The following POU6F2 variants were observed in gnomAD, a reference collection of about 807,000 sequenced individuals.
The protein encoded by POU6F2 is POU class 6 homeobox 2, also known as POU domain, class 6, transcription factor 2.
Under a neutral mutation model 71.3 loss-of-function variants are expected in POU6F2, and 31 were observed. The ratio of observed to expected loss-of-function variants is 0.43; its 90% CI spans 0.33 to 0.59. POU6F2 has a LOEUF of 0.59. POU6F2 is among the 20% of genes least tolerant of loss of function. The pLI is 0.04. For missense variants in POU6F2, 783 were observed against 856.8 expected (o/e 0.91, Z 1.07); for synonymous variants, 347 against 355.7 (o/e 0.98, Z 0.27).
intron 2 of POU6F2, among the ~76,000 whole-genome samples, chr7:39,171,326 C>T (rs11773046): frequency 0.4 from 60,236 of 151,810 alleles, 12,429 homozygotes; most frequent in East Asian, 0.75. Flanking sequence ...GCAAGTTCTG[C>T]TATAAAATTA....
chr7:39,450,383 C>T (rs1163845696), intron 7 of POU6F2, among the ~76,000 whole-genome samples: 1 of 152,136 alleles, frequency 6.6e-6, no homozygotes, highest in Non-Finnish European at 1.5e-5. Flanking sequence ...AGTGCTACAT[C>T]CAATCAACAA....
intron 7 of POU6F2, among the ~76,000 whole-genome samples, chr7:39,450,295 G>T (rs1562557361): frequency 6.6e-6 from 1 of 152,150 alleles, no homozygotes; most frequent in Non-Finnish European, 1.5e-5. Flanking sequence ...CTACTCACAG[G>T]CTGATTCCTT....
intron 5 of POU6F2, among the ~76,000 whole-genome samples, chr7:39,346,476 C>T (rs1206377479): frequency 2.0e-5 from 3 of 152,200 alleles, no homozygotes. Flanking sequence ...GAGAACCACT[C>T]TGATCCTGAC....
At chr7:39,274,307 G>T (rs1784394740) in intron 4 of POU6F2, among the ~76,000 whole-genome samples, 1 of 152,098 alleles carries the variant, frequency 6.6e-6, no homozygotes, top group Admixed American at 6.6e-5. Flanking sequence ...TAGAAGAAAT[G>T]GATAAATTCC....
intron 4 of POU6F2, among the ~76,000 whole-genome samples, chr7:39,284,153 T>G (rs1194948485): frequency 6.6e-6 from 1 of 152,234 alleles, no homozygotes; most frequent in Admixed American, 6.5e-5. Flanking sequence ...ATTTTTCTGA[T>G]GTACACATGA....
intron 1 of POU6F2, among the ~76,000 whole-genome samples, chr7:38,997,878 C>G (rs1268359590): frequency 6.6e-6 from 1 of 152,092 alleles, no homozygotes; most frequent in Non-Finnish European, 1.5e-5. Flanking sequence ...ATTATCAAGT[C>G]CAACAGACCC....
chr7:39,338,509 A>G (rs1367880777), intron 4 of POU6F2, among the ~76,000 whole-genome samples: 1 of 152,160 alleles, frequency 6.6e-6, no homozygotes, highest in East Asian at 1.9e-4. Context: ...TGCTATCCCA[A>G]CTGGACCAAG....
chr7:39,420,115 G>A lies in POU6F2; in HGVS notation c.1114-12962G>A, dbSNP rs759295293. Among the ~76,000 whole-genome samples the A allele has an allele frequency of 2.0e-5, 3 of 152,088 alleles. No individual in the cohort carries two copies. The South Asian group carries it at 6.2e-4, about 32-fold the overall frequency. ...GCAAACTATCCTAGATAACCAAAAG[G>A]AAGGAACAAATAACATGGACAAAAC... On this transcript the variant is annotated intron_variant, in intron 6 of 9. Transcript: ENST00000518318.
chr7:39,162,188 TG>T (rs1302397123), intron 2 of POU6F2, among the ~76,000 whole-genome samples: 7 of 152,148 alleles, frequency 4.6e-5, no homozygotes, highest in African/African-American at 1.7e-4. Context: ...AAAAGAAACT[TG>T]GGAAATGAAG....
chr7:39,099,129 A>G (rs1234875269), intron 2 of POU6F2, among the ~76,000 whole-genome samples: 2 of 152,230 alleles, frequency 1.3e-5, no homozygotes, highest in Non-Finnish European at 2.9e-5. Context: ...TGGAGAGTAC[A>G]TAAGTGAGGT....
intron 1 of POU6F2, among the ~76,000 whole-genome samples, chr7:39,051,292 C>T (rs1029713749): frequency 3.3e-5 from 5 of 152,148 alleles, no homozygotes; most frequent in African/African-American, 9.7e-5. Flanking sequence ...TCACTGAACA[C>T]AACCCATATT....
chr7:39,454,707 T>G (rs867025154), intron 8 of POU6F2, among the ~76,000 whole-genome samples: 2,682 of 73,500 alleles, frequency 0.036, 483 homozygotes, highest in African/African-American at 0.11. Context: ...TATATATATA[T>G]ATATATATAT....
intron 2 of POU6F2, among the ~76,000 whole-genome samples, chr7:39,142,271 G>A (rs1305070775): frequency 6.6e-6 from 1 of 152,184 alleles, no homozygotes; most frequent in South Asian, 2.1e-4. Context: ...TGCCTTTGCA[G>A]GAATCTCTTG....
At chr7:39,113,592 C>G (rs565565238) in intron 2 of POU6F2, among the ~76,000 whole-genome samples, 1 of 152,224 alleles carries the variant, frequency 6.6e-6, no homozygotes, top group East Asian at 1.9e-4. Context: ...CTAGTCAACT[C>G]GAAACAATCT....
intron 4 of POU6F2, among the ~76,000 whole-genome samples, chr7:39,319,747 A>G (rs1350665302): frequency 6.6e-6 from 1 of 152,176 alleles, no homozygotes; most frequent in Non-Finnish European, 1.5e-5. Context: ...GTGACTCCCT[A>G]CTGCAGGGAC....
At chr7:39,214,486 G>A (rs930098369) in intron 4 of POU6F2, among the ~76,000 whole-genome samples, 6 of 152,144 alleles carry the variant, frequency 3.9e-5, no homozygotes, top group African/African-American at 7.2e-5. Flanking sequence ...TGTAGCCATC[G>A]AGGGCAAGGT....
At chr7:39,078,414 A>G (rs753385663) in intron 1 of POU6F2, among the ~76,000 whole-genome samples, 17 of 152,230 alleles carry the variant, frequency 1.1e-4, no homozygotes, top group Non-Finnish European at 2.4e-4. Flanking sequence ...CATATTTTGA[A>G]TATGACTAAT....
chr7:39,462,321 G>C (rs1788970080), intron 9 of POU6F2, among the ~76,000 whole-genome samples: 2 of 152,132 alleles, frequency 1.3e-5, no homozygotes, highest in South Asian at 4.1e-4. Context: ...ATCGTTTTAG[G>C]AGCTATCTAC....
chr7:39,437,965 C>G (rs1788288901), intron 7 of POU6F2, among the ~76,000 whole-genome samples: 1 of 151,080 alleles, frequency 6.6e-6, no homozygotes, highest in Non-Finnish European at 1.5e-5. Flanking sequence ...TATTATTATA[C>G]TTTAAGTTCT....
Sources: allele counts gnomAD v4.1 joint callset (sites outside exome capture counted in the v4.1 genomes callset), GRCh38; gene constraint gnomAD v4.1.1; transcripts MANE v1.5; gene names NCBI Gene and HGNC (gene_info 2026-07-23, HGNC 2026-07-21).